The following TNFAIP8 variants were observed in gnomAD, a reference collection of about 807,000 sequenced individuals.
TNFAIP8 encodes the protein TNF alpha induced protein 8.
A neutral mutation model predicts 13.3 loss-of-function variants in TNFAIP8; 7 were observed. That is an observed-to-expected ratio of 0.52 (90% CI 0.30 to 0.99). The LOEUF is 0.99. Ranked by LOEUF, TNFAIP8 falls within the 50% of genes least tolerant of loss-of-function variation. The probability of loss-of-function intolerance (pLI) is 0.07; values close to 1 mark genes in which losing one functional copy is unlikely to be tolerated. For missense variants in TNFAIP8, 258 were observed against 236.9 expected (o/e 1.09, Z -0.58); for synonymous variants, 94 against 87.6 (o/e 1.07, Z -0.41).
chr5:119,329,051 G>A (rs144636148), intron 1 of TNFAIP8, among the ~76,000 whole-genome samples: 33 of 152,344 alleles, frequency 2.2e-4, no homozygotes, highest in African/African-American at 7.5e-4. Flanking sequence ...GAAGACAGAC[G>A]TAGATGCTCA....
rs138025464 is a variant in TNFAIP8 at position 119,387,486 on chromosome 5, T to C, written c.32-5330T>C. On this transcript the variant is annotated intron_variant, in intron 1 of 1. Coordinates refer to ENST00000504771, the MANE Select transcript of TNFAIP8 (RefSeq NM_014350.4). ...TAATAGATTTGAGGGGAAAAAATTA[T>C]GTATTTACTGGTAAGACTGTAAAGA... is the stretch of plus-strand genomic sequence containing the variant. 1.2e-4 allele frequency among the ~76,000 whole-genome samples: 19 copies of C among 152,346 alleles called. No individual in the cohort carries two copies. In the East Asian group the frequency reaches 2.5e-3, roughly 20 times the overall value.
chr5:119,285,833 T>C (rs1000887186), intron 1 of TNFAIP8, among the ~76,000 whole-genome samples: 2 of 152,208 alleles, frequency 1.3e-5, no homozygotes, highest in African/African-American at 2.4e-5. Flanking sequence ...GATGAAACAC[T>C]GTGCAGCTTT....
chr5:119,325,090 A>T lies in TNFAIP8; in HGVS notation c.1+56183A>T, dbSNP rs573929870. Among the ~76,000 whole-genome samples the T allele has an allele frequency of 3.9e-5, 6 of 152,290 alleles. No homozygotes were observed. The East Asian group carries it at 9.7e-4, about 24-fold the overall frequency. ...CTCTTAAAAAATAAAAAATAAAAAA[A>T]AAAAGACTGCATTACATGCCATATA... On this transcript the variant is annotated intron_variant, in intron 1 of 1. Coordinates refer to the TNFAIP8 transcript ENST00000274456.
At chr5:119,295,317 G>A (rs950076960) in intron 1 of TNFAIP8, among the ~76,000 whole-genome samples, 12 of 151,200 alleles carry the variant, frequency 7.9e-5, no homozygotes, top group Non-Finnish European at 1.8e-4. Flanking sequence ...TAAGGTGTAA[G>A]GAAGGGATCC....
chr5:119,376,565 C>A (rs541993193), intron 1 of TNFAIP8, among the ~76,000 whole-genome samples: 2 of 149,986 alleles, frequency 1.3e-5, no homozygotes, highest in Admixed American at 6.7e-5. Flanking sequence ...TCTTCCCACC[C>A]CCCCCGTCTT....
At chr5:119,375,874 T>C (rs1752258308) in intron 1 of TNFAIP8, among the ~76,000 whole-genome samples, 1 of 152,156 alleles carries the variant, frequency 6.6e-6, no homozygotes. Context: ...TTCTGCCTTT[T>C]TCTTATGACT....
chr5:119,333,523 G>A, intron 1 of TNFAIP8: 1 of 1,533,182 alleles, frequency 6.5e-7, no homozygotes, highest in Non-Finnish European at 8.7e-7. Context: ...GTTCCATAGT[G>A]TACACGTCAA....
At chr5:119,301,407 A>G (rs555987458) in intron 1 of TNFAIP8, among the ~76,000 whole-genome samples, 65 of 152,260 alleles carry the variant, frequency 4.3e-4, no homozygotes, top group Middle Eastern at 3.4e-3. Context: ...AAAGCCCCAA[A>G]TAAAAAAAAA....
intron 1 of TNFAIP8, among the ~76,000 whole-genome samples, chr5:119,318,493 C>G (rs1235703696): frequency 6.6e-6 from 1 of 151,642 alleles, no homozygotes; most frequent in Non-Finnish European, 1.5e-5. Flanking sequence ...ACGGGGTTCC[C>G]CTATGTTGCC....
intron 1 of TNFAIP8, among the ~76,000 whole-genome samples, chr5:119,321,050 A>G (rs764127903): frequency 6.6e-6 from 1 of 152,184 alleles, no homozygotes; most frequent in Non-Finnish European, 1.5e-5. Context: ...CCCCGTCTCT[A>G]CTAAAAACAC....
intron 1 of TNFAIP8, among the ~76,000 whole-genome samples, chr5:119,279,127 A>T (rs1417798883): frequency 6.6e-6 from 1 of 152,196 alleles, no homozygotes; most frequent in African/African-American, 2.4e-5. Flanking sequence ...CTTCAGGAGG[A>T]ATCTATGAGA....
intron 1 of TNFAIP8, among the ~76,000 whole-genome samples, chr5:119,356,567 G>A (rs73239267): frequency 7.2e-5 from 11 of 152,272 alleles, no homozygotes; most frequent in African/African-American, 2.6e-4. Context: ...AGGGGAAGCT[G>A]AGTGAGGGGA....
At chr5:119,268,763 G>T (rs1328356860) in exon 1 of TNFAIP8, 6 of 664,928 alleles carry the variant, frequency 9.0e-6, no homozygotes, top group Admixed American at 8.9e-5. Flanking sequence ...CCTGGCCTCT[G>T]CCTCCTTTTC....
upstream of TNFAIP8, chr5:119,354,856 C>G (rs1364330236): frequency 1.3e-5 from 2 of 158,920 alleles, no homozygotes; most frequent in African/African-American, 2.4e-5. Context: ...TATATAAAAT[C>G]GGAAACGAAG....
rs549807520 is a variant in TNFAIP8, at chr5:119,358,218, C to T, written c.31+2097C>T. Among the ~76,000 whole-genome samples, 160 of 151,678 alleles carry T rather than the reference C, an allele frequency of 1.1e-3. 2 individuals carry two copies. The South Asian group carries it at 0.02, about 19-fold the overall frequency. On this transcript the variant is annotated intron_variant, in intron 1 of 1. Coordinates refer to ENST00000504771, the MANE Select transcript of TNFAIP8 (RefSeq NM_014350.4). ...GCCTTTGGATGCTTCATGCCTGATACGCTGTAAGAGGAGATACTTTTAAGT... is the reference window on the plus strand; with the variant it reads ...GCCTTTGGATGCTTCATGCCTGATATGCTGTAAGAGGAGATACTTTTAAGT...
At chr5:119,342,393 G>A (rs983765399) in intron 1 of TNFAIP8, among the ~76,000 whole-genome samples, 2 of 152,198 alleles carry the variant, frequency 1.3e-5, no homozygotes, top group African/African-American at 4.8e-5. Flanking sequence ...TCTTGCAAAT[G>A]TGTTTTTGTA....
At chr5:119,334,131 C>G (rs1283538035) in intron 1 of TNFAIP8, among the ~76,000 whole-genome samples, 1 of 121,614 alleles carries the variant, frequency 8.2e-6, no homozygotes, top group Non-Finnish European at 1.7e-5. Context: ...GCCATTTTCT[C>G]TAACAACCAA....
chr5:119,321,314 G>T lies in TNFAIP8; in HGVS notation c.1+52407G>T, dbSNP rs116685861. ...TTTTGTTTTGTTTTGGTTTGAATTG[G>T]TTTTTTTTGTTCATATTTTGTTACT... On this transcript the variant is annotated intron_variant, in intron 1 of 1. Coordinates refer to the TNFAIP8 transcript ENST00000274456. Among the ~76,000 whole-genome samples the T allele has an allele frequency of 4.7e-3, 710 of 152,050 alleles. 6 individuals carry two copies. Among genetic ancestry groups the T allele is most frequent in the African/African-American group, 0.017 (685 of 41,478 alleles).
chr5:119,311,757 C>G (rs1165649185), intron 1 of TNFAIP8, among the ~76,000 whole-genome samples: 1 of 147,308 alleles, frequency 6.8e-6, no homozygotes, highest in African/African-American at 2.5e-5. Context: ...AGGTGATTAG[C>G]AAGAGCAGAG....
Sources: gnomAD v4.1 joint callset for allele counts (sites outside exome capture counted in the v4.1 genomes callset) on GRCh38, gnomAD v4.1.1 for gene constraint, MANE v1.5 for transcripts, NCBI Gene and HGNC (gene_info 2026-07-23, HGNC 2026-07-21) for gene names.